The following TFB2M variants were observed in gnomAD, a reference collection of about 807,000 sequenced individuals.
TFB2M encodes the protein transcription factor B2, mitochondrial.
In TFB2M, 44 loss-of-function variants were observed where a neutral mutation model predicts 41.3. The ratio of observed to expected loss-of-function variants is 1.07; its 90% CI spans 0.84 to 1.37. TFB2M has a LOEUF of 1.37. Ranked by LOEUF, TFB2M falls within the 40% of genes most tolerant of loss-of-function variation. TFB2M has a pLI of 0.00. For synonymous variants in TFB2M, 188 were observed against 176.8 expected (o/e 1.06, Z -0.50); for missense variants, 496 against 490.2 (o/e 1.01, Z -0.11).
chr1:246,563,534 G>A (rs895389634), intron 2 of TFB2M, among the ~76,000 whole-genome samples: 1 of 151,860 alleles, frequency 6.6e-6, no homozygotes, highest in Non-Finnish European at 1.5e-5. Context: ...AACTTGGGAG[G>A]CAGTGGTTAC....
intron 2 of TFB2M, among the ~76,000 whole-genome samples, chr1:246,559,774 G>A (rs1358860563): frequency 6.6e-6 from 1 of 152,116 alleles, no homozygotes; most frequent in Non-Finnish European, 1.5e-5. Flanking sequence ...ATAAATGTGT[G>A]GGAATTTGGC....
intron 2 of TFB2M, among the ~76,000 whole-genome samples, chr1:246,560,159 G>A (rs897134813): frequency 1.3e-5 from 2 of 152,026 alleles, no homozygotes; most frequent in African/African-American, 4.8e-5. Context: ...GGCCCAGACA[G>A]TTGATGTTTC....
At chr1:246,552,052 C>A (rs1659200301) in intron 4 of TFB2M, among the ~76,000 whole-genome samples, 1 of 152,156 alleles carries the variant, frequency 6.6e-6, no homozygotes, top group Non-Finnish European at 1.5e-5. Context: ...AAATCTTAAT[C>A]TTCTTTGAGT....
At chr1:246,555,786 T>A (rs1483460708) in intron 4 of TFB2M, among the ~76,000 whole-genome samples, 2 of 151,676 alleles carry the variant, frequency 1.3e-5, no homozygotes, top group African/African-American at 4.8e-5. Context: ...CTGTAGTATA[T>A]ATATACAATA....
intron 6 of TFB2M, 35 bp downstream of exon 6, chr1:246,548,510 G>A: frequency 6.4e-7 from 1 of 1,554,082 alleles, no homozygotes; most frequent in Non-Finnish European, 8.7e-7. Context: ...ACGTCACGTA[G>A]GGAGAAAAAG....
At chr1:246,557,221 C>G (rs1659347582) in intron 3 of TFB2M, among the ~76,000 whole-genome samples, 160 bp downstream of exon 3, 1 of 152,084 alleles carries the variant, frequency 6.6e-6, no homozygotes, top group African/African-American at 2.4e-5. Flanking sequence ...GTCAGTGAAC[C>G]AGGATCGCGC....
intron 2 of TFB2M, among the ~76,000 whole-genome samples, chr1:246,560,485 T>C (rs182553380): frequency 1.3e-5 from 2 of 152,282 alleles, no homozygotes; most frequent in African/African-American, 4.8e-5. Context: ...ACTGCAGCAC[T>C]GCACTCCAGC....
At position 246,557,432 on chromosome 1, in the gene TFB2M, A is replaced by C. The variant is rs1331902841; in HGVS notation, c.505T>G (p.Ser169Ala). 1 of 1,613,702 alleles carries C rather than the reference A, an allele frequency of 6.2e-7. No individual in the cohort carries two copies. Among genetic ancestry groups the C allele is most frequent in the Non-Finnish European group, 8.5e-7 (1 of 1,179,882 alleles). ...CCCAAATTCTTAAAGAGCCCTCGAG[A>C]AGACATAGCAGGTGGTTTTATTACT... ...GGVIKPPAMS[S>A]RGLFKNLGIE... is the part of the protein sequence containing the mutation. The change falls in exon 3 of 8, where the codon TCT (serine) becomes GCT (alanine). Residue 169 changes from serine to alanine, a missense_variant. Transcript: ENST00000366514.
At chr1:246,560,817 T>C (rs1659438376) in intron 2 of TFB2M, among the ~76,000 whole-genome samples, 1 of 152,188 alleles carries the variant, frequency 6.6e-6, no homozygotes, top group Non-Finnish European at 1.5e-5. Flanking sequence ...AAGTTAGTCA[T>C]TAAGTTTGTC....
intron 6 of TFB2M, 123 bp from the exon 7 acceptor site, chr1:246,544,804 C>CA: frequency 1.2e-6 from 1 of 801,464 alleles, no homozygotes; most frequent in Non-Finnish European, 1.9e-6. Context: ...AGTGTCTTCA[C>CA]ATTCTCTTTT....
intron 6 of TFB2M, among the ~76,000 whole-genome samples, chr1:246,547,863 A>G (rs890435263): frequency 6.6e-6 from 1 of 152,216 alleles, no homozygotes; most frequent in Non-Finnish European, 1.5e-5. Flanking sequence ...AAAATGAACA[A>G]AAATAAAGGC....
At chr1:246,555,918 G>C (rs1007964231) in intron 4 of TFB2M, among the ~76,000 whole-genome samples, 1 of 152,000 alleles carries the variant, frequency 6.6e-6, no homozygotes, top group African/African-American at 2.4e-5. Context: ...AGCCTCCCAA[G>C]TAGCTGGGAT....
chr1:246,557,464 C>T lies in TFB2M; in HGVS notation c.473G>A (p.Ser158Asn). The change falls in exon 3 of 8, where the codon AGT becomes AAT. Residue 158 changes from serine (S) to asparagine (N), a missense_variant. Transcript: ENST00000366514. ...AGCAGGTGGTTTTATTACTCCACCA[C>T]TTCTAGGATCTAGTTTAAAGAAGTC... ...HCDFFKLDPRSGGVIKPPAMS... is the reference protein window; with the variant it reads ...HCDFFKLDPRNGGVIKPPAMS... 6.2e-7 allele frequency: 1 copy of T among 1,613,530 alleles called. No homozygotes were observed. The highest frequency in any genetic ancestry group is 8.5e-7 in the Non-Finnish European group (1 of 1,179,760).
At chr1:246,545,048 G>T (rs192596143) in intron 6 of TFB2M, among the ~76,000 whole-genome samples, 10 of 134,354 alleles carry the variant, frequency 7.4e-5, no homozygotes, top group South Asian at 5.8e-4. Flanking sequence ...CTCGTGATCC[G>T]CCCGCCTCGG....
chr1:246,550,798 G>C lies in TFB2M; in HGVS notation c.795+415C>G, dbSNP rs1283733649. Among the ~76,000 whole-genome samples, 5 of 152,278 alleles carry C rather than the reference G, an allele frequency of 3.3e-5. No individual in the cohort carries two copies. The East Asian group carries it at 9.7e-4, about 29-fold the overall frequency. On this transcript the variant is annotated intron_variant, in intron 5 of 7. Coordinates refer to ENST00000366514, the MANE Select transcript of TFB2M (RefSeq NM_022366.3). ...CTCGGGAGGCCGAGGCAGGGGAATTGCTTGAATACAGGATGTAGAGGTTGC... is the reference window on the plus strand; with the variant it reads ...CTCGGGAGGCCGAGGCAGGGGAATTCCTTGAATACAGGATGTAGAGGTTGC...
chr1:246,558,665 C>A (rs1659382998), intron 2 of TFB2M, among the ~76,000 whole-genome samples: 1 of 152,166 alleles, frequency 6.6e-6, no homozygotes, highest in African/African-American at 2.4e-5. Flanking sequence ...AAGTGAAAGG[C>A]AGATGGATTC....
Position 246,564,443 on chromosome 1 carries a change from T to C in TFB2M, c.314-9A>G. ...AGTCAGGATTCCAGGACCTGGCACA[T>C]TAACAGAACGAAAAGTTTATTTGTA... On this transcript the variant is annotated splice_polypyrimidine_tract_variant and intron_variant, in intron 1 of 7. Coordinates refer to ENST00000366514, the MANE Select transcript of TFB2M (RefSeq NM_022366.3). The C allele has an allele frequency of 6.2e-7, 1 of 1,612,666 alleles. No homozygotes were observed. Among genetic ancestry groups the C allele is most frequent in the Non-Finnish European group, 8.5e-7 (1 of 1,179,032 alleles).
intron 3 of TFB2M, among the ~76,000 whole-genome samples, 157 bp downstream of exon 3, chr1:246,557,224 G>A (rs966455106): frequency 6.6e-6 from 1 of 152,098 alleles, no homozygotes; most frequent in Non-Finnish European, 1.5e-5. Context: ...AGTGAACCAG[G>A]ATCGCGCCAC....
chr1:246,560,296 T>C (rs1463020925), intron 2 of TFB2M, among the ~76,000 whole-genome samples: 30 of 152,142 alleles, frequency 2.0e-4, no homozygotes, highest in Non-Finnish European at 1.5e-5. Context: ...GTGTGGTGGC[T>C]CATGCTTGTA....
Sources: allele counts gnomAD v4.1 joint callset (sites outside exome capture counted in the v4.1 genomes callset), GRCh38; gene constraint gnomAD v4.1.1; transcripts MANE v1.5; gene names NCBI Gene and HGNC (gene_info 2026-07-23, HGNC 2026-07-21).